The following MELK variants were observed in gnomAD, a reference collection of about 807,000 sequenced individuals.
MELK encodes the protein pEg3 kinase.
In MELK, 81 loss-of-function variants were observed where a neutral mutation model predicts 85.0. That is an observed-to-expected ratio of 0.95 (90% CI 0.80 to 1.15). The LOEUF (loss-of-function observed/expected upper bound fraction) is 1.15. Ranked by LOEUF, MELK falls within the 50% of genes most tolerant of loss-of-function variation. The probability of loss-of-function intolerance (pLI) is 0.00; values close to 1 mark genes in which losing one functional copy is unlikely to be tolerated. For missense variants in MELK, 754 were observed against 777.5 expected, an observed-to-expected ratio of 0.97 and a Z score of 0.36; for synonymous variants, 252 against 265.0, an observed-to-expected ratio of 0.95 and a Z score of 0.48.
chr9:36,647,898 T>C (rs953911052), intron 11 of MELK, among the ~76,000 whole-genome samples: 1 of 152,168 alleles, frequency 6.6e-6, no homozygotes, highest in Non-Finnish European at 1.5e-5. Context: ...GATTGGGCCA[T>C]TTATGCAAAT....
At chr9:36,608,798 G>A (rs1235801094) in intron 8 of MELK, among the ~76,000 whole-genome samples, 1 of 151,966 alleles carries the variant, frequency 6.6e-6, no homozygotes, top group Non-Finnish European at 1.5e-5. Context: ...GGTCAGGCTG[G>A]TCTCGAACTC....
At chr9:36,625,895 C>CA (rs59221247) in intron 8 of MELK, among the ~76,000 whole-genome samples, 33,224 of 138,162 alleles carry the variant, frequency 0.24, 5,939 homozygotes, top group African/African-American at 0.52. Context: ...GACTTCATCT[C>CA]AAAAAAAAAA....
intron 8 of MELK, among the ~76,000 whole-genome samples, chr9:36,625,783 T>C (rs1442782403): frequency 6.6e-6 from 1 of 151,734 alleles, no homozygotes; most frequent in Non-Finnish European, 1.5e-5. Context: ...TAGCCAGTCA[T>C]GGTGGTGCAT....
In MELK at chr9:36,654,349, CTTTTTT is replaced by C. The variant is rs34436735; in HGVS notation, c.1053+2491_1053+2496del. ...ACATTTTCCTGAGACATTGGATTGT[CTTTTTT>C]TTTTTTTTTTTTTTTTTTGAGACAG... On this transcript the variant is annotated intron_variant, in intron 12 of 17. Coordinates refer to ENST00000298048, the MANE Select transcript of MELK (RefSeq NM_014791.4). 1.1e-4 allele frequency among the ~76,000 whole-genome samples: 9 copies of C among 84,126 alleles called. No homozygotes were observed. The Admixed American group carries it at 1.4e-3, about 13-fold the overall frequency. The allele number at this position is 84,126 out of a possible 152,430, so 55.2% of individuals were successfully genotyped here.
chr9:36,615,295 G>A (rs1826538865), intron 8 of MELK, among the ~76,000 whole-genome samples: 1 of 127,186 alleles, frequency 7.9e-6, no homozygotes, highest in African/African-American at 3.6e-5. Context: ...CAGGCGGGGG[G>A]CTGATCCCCC....
intron 7 of MELK, among the ~76,000 whole-genome samples, chr9:36,605,164 C>T (rs539000063): frequency 6.6e-6 from 1 of 152,102 alleles, no homozygotes; most frequent in East Asian, 1.9e-4. Context: ...GTGTGGATTA[C>T]AGGCATGAAC....
intron 13 of MELK, among the ~76,000 whole-genome samples, chr9:36,660,407 T>A (rs966073355): frequency 1.3e-5 from 2 of 152,044 alleles, no homozygotes; most frequent in Admixed American, 1.3e-4. Context: ...AGCCTCGACC[T>A]CCTGGGCTTA....
chr9:36,630,254 C>A, intron 8 of MELK, 45 bp from the exon 9 acceptor site: 1 of 1,454,362 alleles, frequency 6.9e-7, no homozygotes, highest in Non-Finnish European at 9.6e-7. Context: ...GAATTTGTGT[C>A]AAGGCTGATT....
At chr9:36,619,750 GC>G (rs1170229530) in intron 8 of MELK, among the ~76,000 whole-genome samples, 1 of 152,194 alleles carries the variant, frequency 6.6e-6, no homozygotes, top group African/African-American at 2.4e-5. Context: ...TTTGAGTTGT[GC>G]TGAATGAAAT....
chr9:36,635,421 G>A (rs539342220), intron 10 of MELK, among the ~76,000 whole-genome samples: 18 of 152,124 alleles, frequency 1.2e-4, no homozygotes, highest in Admixed American at 4.6e-4. Flanking sequence ...CTGCTACAAC[G>A]TTTGGCTAAT....
chr9:36,585,305 T>G (rs1011708228), intron 3 of MELK, among the ~76,000 whole-genome samples: 4 of 138,478 alleles, frequency 2.9e-5, no homozygotes, highest in African/African-American at 5.5e-5. Context: ...ATTCTTTGTT[T>G]TTTTTTTTTT....
intron 11 of MELK, among the ~76,000 whole-genome samples, chr9:36,649,826 C>G (rs375606520): frequency 2.6e-5 from 4 of 152,002 alleles, no homozygotes; most frequent in African/African-American, 9.7e-5. Flanking sequence ...ATGGCTCACG[C>G]CTGTAATTCT....
chr9:36,609,818 T>C lies in MELK; in HGVS notation c.666+2145T>C, dbSNP rs180939664. Among the ~76,000 whole-genome samples, 510 of 152,282 alleles carry C rather than the reference T, an allele frequency of 3.3e-3. 8 individuals carry two copies. Among genetic ancestry groups the C allele is most frequent in the Non-Finnish European group, 3.9e-3 (264 of 68,020 alleles). On this transcript the variant is annotated intron_variant, in intron 8 of 17. Transcript: ENST00000298048. ...TCCTGAATTTCTGCTTTATATAAGA[T>C]GCTGAAAGGCATAGAAAAGATCTAT...
intron 13 of MELK, among the ~76,000 whole-genome samples, chr9:36,658,207 G>A (rs1027431692): frequency 6.6e-6 from 1 of 150,992 alleles, no homozygotes; most frequent in African/African-American, 2.4e-5. Context: ...ATCAAATTTG[G>A]GAAGTTTTCA....
At chr9:36,631,884 A>G (rs918790876) in intron 9 of MELK, among the ~76,000 whole-genome samples, 3 of 151,432 alleles carry the variant, frequency 2.0e-5, no homozygotes, top group Non-Finnish European at 4.4e-5. Flanking sequence ...CTGGTTTCGA[A>G]CTCCTGAGCT....
At chr9:36,578,333 G>C (rs1024881549) in intron 1 of MELK, among the ~76,000 whole-genome samples, 14 of 151,566 alleles carry the variant, frequency 9.2e-5, no homozygotes, top group Non-Finnish European at 1.8e-4. Flanking sequence ...AGCAGCCTCA[G>C]TTCAGTACCT....
At chr9:36,590,998 G>A (rs1235218412) in intron 4 of MELK, among the ~76,000 whole-genome samples, 4 of 152,078 alleles carry the variant, frequency 2.6e-5, no homozygotes, top group African/African-American at 7.2e-5. Context: ...AGGCTGAGGC[G>A]GGAGAATTGC....
chr9:36,667,681 A>C (rs1832514533), intron 14 of MELK, among the ~76,000 whole-genome samples: 1 of 152,214 alleles, frequency 6.6e-6, no homozygotes, highest in Non-Finnish European at 1.5e-5. Flanking sequence ...TTAAGGAAGC[A>C]AGTGGCTGAA....
At chr9:36,599,355 C>G (rs374278757) in intron 6 of MELK, 39 bp from the exon 7 acceptor site, 5 of 1,048,522 alleles carry the variant, frequency 4.8e-6, no homozygotes, top group South Asian at 1.3e-5. Flanking sequence ...TTCTCTTAAG[C>G]GTTGTAATTA....
Sources: gnomAD v4.1 joint callset for allele counts (sites outside exome capture counted in the v4.1 genomes callset) on GRCh38, gnomAD v4.1.1 for gene constraint, MANE v1.5 for transcripts, NCBI Gene and HGNC (gene_info 2026-07-23, HGNC 2026-07-21) for gene names.